The following ANKRD44 variants were observed in gnomAD, a reference collection of about 807,000 sequenced individuals.
ANKRD44 encodes serine/threonine-protein phosphatase 6 regulatory ankyrin repeat subunit B.
ANKRD44 carries 35 observed loss-of-function variants against 116.0 expected under a neutral mutation model. That is an observed-to-expected ratio of 0.30 (90% CI 0.23 to 0.40). The LOEUF (loss-of-function observed/expected upper bound fraction) is 0.40, where lower values mean the gene tolerates loss of function less well. Ranked by LOEUF, ANKRD44 falls within the 10% of genes least tolerant of loss-of-function variation. ANKRD44 has a pLI of 1.00. For synonymous variants in ANKRD44, 435 were observed against 461.8 expected, an observed-to-expected ratio of 0.94 and a Z score of 0.74; for missense variants, 1,014 against 1,242.6, an observed-to-expected ratio of 0.82 and a Z score of 2.77.
chr2:197,004,959 G>A (rs536059696), intron 21 of ANKRD44, among the ~76,000 whole-genome samples: 1 of 152,176 alleles, frequency 6.6e-6, no homozygotes, highest in Non-Finnish European at 1.5e-5. Flanking sequence ...ATATTGACTT[G>A]TAAGAATATC....
chr2:197,041,718 T>C (rs900013619), intron 16 of ANKRD44, among the ~76,000 whole-genome samples: 102 of 152,278 alleles, frequency 6.7e-4, no homozygotes, highest in African/African-American at 2.2e-3. Flanking sequence ...TCCAGCAGGA[T>C]ACCTATAGAT....
At chr2:197,140,765 G>A (rs574880713) in intron 3 of ANKRD44, among the ~76,000 whole-genome samples, 1 of 152,238 alleles carries the variant, frequency 6.6e-6, no homozygotes, top group African/African-American at 2.4e-5. Flanking sequence ...AGGGACACGA[G>A]GAAACTTTTG....
intron 16 of ANKRD44, among the ~76,000 whole-genome samples, chr2:197,069,288 G>A (rs896917351): frequency 2.6e-5 from 4 of 152,018 alleles, no homozygotes; most frequent in Non-Finnish European, 4.4e-5. Flanking sequence ...ATCACACACC[G>A]GGGCCTGTTG....
At chr2:197,124,632 G>C (rs964676253) in intron 6 of ANKRD44, among the ~76,000 whole-genome samples, 1 of 152,180 alleles carries the variant, frequency 6.6e-6, no homozygotes, top group Middle Eastern at 3.2e-3. Context: ...ACAATCTCCT[G>C]TGGATGGGCA....
chr2:197,013,370 T>G, intron 18 of ANKRD44, 141 bp downstream of exon 18: 2 of 939,376 alleles, frequency 2.1e-6, no homozygotes, highest in Non-Finnish European at 3.2e-6. Flanking sequence ...CAAAAGCATT[T>G]TGGAAGTGTG....
chr2:197,063,852 G>A (rs1040937970), intron 16 of ANKRD44, among the ~76,000 whole-genome samples: 3 of 152,230 alleles, frequency 2.0e-5, no homozygotes, highest in Non-Finnish European at 4.4e-5. Context: ...GTGACAGGGA[G>A]AATGGAACCA....
chr2:197,243,218 G>A (rs112458694), intron 1 of ANKRD44, among the ~76,000 whole-genome samples: 1,604 of 152,238 alleles, frequency 0.011, 15 homozygotes, highest in South Asian at 0.021. Context: ...TACATATATG[G>A]TGACTGCATA....
At chr2:197,137,515 T>C (rs141379891) in intron 3 of ANKRD44, among the ~76,000 whole-genome samples, 2,089 of 152,308 alleles carry the variant, frequency 0.014, 27 homozygotes, top group Non-Finnish European at 0.017. Context: ...GAAACTTTTT[T>C]AAAAGGCAGT....
chr2:197,286,521 C>T (rs1013937005), intron 1 of ANKRD44, among the ~76,000 whole-genome samples: 13 of 151,850 alleles, frequency 8.6e-5, no homozygotes, highest in African/African-American at 2.2e-4. Flanking sequence ...ACTACAAGGA[C>T]GCCACAATGT....
chr2:197,219,911 G>A (rs904367489), intron 1 of ANKRD44, among the ~76,000 whole-genome samples: 2 of 152,194 alleles, frequency 1.3e-5, no homozygotes, highest in Non-Finnish European at 2.9e-5. Flanking sequence ...GAAGTAACAA[G>A]AGTGAGTGAA....
chr2:197,010,034 G>A (rs1454095633), intron 18 of ANKRD44, among the ~76,000 whole-genome samples: 2 of 152,044 alleles, frequency 1.3e-5, no homozygotes, highest in African/African-American at 4.8e-5. Flanking sequence ...AGTGTGAGGG[G>A]AGCAGGAGCA....
At chr2:197,263,891 A>T (rs2082674811) in intron 1 of ANKRD44, among the ~76,000 whole-genome samples, 1 of 152,098 alleles carries the variant, frequency 6.6e-6, no homozygotes, top group African/African-American at 2.4e-5. Context: ...CTTGTAGAAA[A>T]TTAATTATGT....
Position 197,007,844 on chromosome 2 carries a change from T to G in ANKRD44, c.2092A>C (p.Thr698Pro). 2.5e-6 allele frequency: 4 copies of G among 1,613,952 alleles called. No homozygotes were observed. The highest frequency in any genetic ancestry group is 3.4e-6 in the Non-Finnish European group (4 of 1,179,868). Residue 698 changes from threonine (T) to proline (P), a missense_variant, in exon 20 of 28, where the codon ACT becomes CCT. Transcript: ENST00000282272. ...GCTGTGCATCCTAGGATGTCAACAGTGTCTACGTTGGCTTCCTTTTCAAGT... is the reference window on the plus strand; with the variant it reads ...GCTGTGCATCCTAGGATGTCAACAGGGTCTACGTTGGCTTCCTTTTCAAGT... ...LLLEKEANVD[T>P]VDILGCTALH...
chr2:197,001,737 C>G lies in ANKRD44; in HGVS notation c.2435+16G>C. The G allele has an allele frequency of 6.3e-7, 1 of 1,576,572 alleles. No homozygotes were observed. Among genetic ancestry groups the G allele is most frequent in the Non-Finnish European group, 8.7e-7 (1 of 1,154,922 alleles). On this transcript the variant is annotated intron_variant, in intron 22 of 27. Transcript: ENST00000282272. ...TCATTAAAGCAACATCATTAACTCT[C>G]AGCGTTTCTACTTACATTGCACAGT... is the stretch of plus-strand genomic sequence containing the variant.
Position 197,278,417 on chromosome 2 carries a change from T to C in ANKRD44, c.27+32161A>G, listed in dbSNP as rs530693762. Among the ~76,000 whole-genome samples the C allele has an allele frequency of 2.2e-4, 33 of 152,008 alleles. No individual in the cohort carries two copies. In the South Asian group the frequency reaches 4.8e-3, roughly 22 times the overall value. On this transcript the variant is annotated intron_variant, in intron 1 of 27. Transcript: ENST00000282272. ...TGTCGCCCAGGCTGGAGTGCAGTGG[T>C]GTGATCTCGGCTCACTGCAACCTCC... is the stretch of plus-strand genomic sequence containing the variant.
At chr2:197,231,069 C>A (rs2081849543) in intron 1 of ANKRD44, among the ~76,000 whole-genome samples, 1 of 152,082 alleles carries the variant, frequency 6.6e-6, no homozygotes, top group South Asian at 2.1e-4. Context: ...CAAATTTTGA[C>A]AAAACAAACA....
At chr2:197,191,030 G>T (rs963789650) in intron 1 of ANKRD44, among the ~76,000 whole-genome samples, 3 of 152,180 alleles carry the variant, frequency 2.0e-5, no homozygotes, top group Non-Finnish European at 2.9e-5. Flanking sequence ...CAGATACCAT[G>T]AAATCATTGA....
intron 1 of ANKRD44, among the ~76,000 whole-genome samples, chr2:197,244,127 A>G (rs575035209): frequency 3.9e-5 from 6 of 152,360 alleles, no homozygotes; most frequent in African/African-American, 1.4e-4. Flanking sequence ...CTCAAAGCAC[A>G]AAGAAATTCA....
At chr2:197,031,516 T>C (rs140178278) in intron 16 of ANKRD44, among the ~76,000 whole-genome samples, 1 of 152,318 alleles carries the variant, frequency 6.6e-6, no homozygotes, top group Non-Finnish European at 1.5e-5. Flanking sequence ...CTATGTATTG[T>C]TTTGTAATCA....
Sources: allele counts gnomAD v4.1 joint callset (sites outside exome capture counted in the v4.1 genomes callset), GRCh38; gene constraint gnomAD v4.1.1; transcripts MANE v1.5; gene names NCBI Gene and HGNC (gene_info 2026-07-23, HGNC 2026-07-21).